Variants in PIGK observed in about 807,000 individuals in gnomAD.
PIGK encodes the protein GPI-anchor transamidase.
In PIGK, 42 loss-of-function variants were observed where a neutral mutation model predicts 50.6. The observed-to-expected ratio is 0.83, with a 90% CI of 0.65 to 1.07. PIGK has a LOEUF of 1.07. PIGK is among the 50% of genes least tolerant of loss of function. The pLI is 0.00. For synonymous variants in PIGK, 151 were observed against 156.0 expected, an observed-to-expected ratio of 0.97 and a Z score of 0.24; for missense variants, 448 against 488.7, an observed-to-expected ratio of 0.92 and a Z score of 0.78.
At chr1:77,172,173 CA>C (rs1655379303) in intron 3 of PIGK, among the ~76,000 whole-genome samples, 1 of 149,154 alleles carries the variant, frequency 6.7e-6, no homozygotes, top group South Asian at 2.1e-4. Flanking sequence ...TCCTGGTGGA[CA>C]AACCACAACC....
chr1:77,207,922 A>G lies in PIGK; in HGVS notation c.148-1191T>C, dbSNP rs377141534. Among the ~76,000 whole-genome samples the G allele has an allele frequency of 2.6e-5, 4 of 152,308 alleles. No homozygotes were observed. In the South Asian group the frequency reaches 6.2e-4, roughly 24 times the overall value. ...TAAAAATGTAAAATTCCATATATCA[A>G]AAATATCATAAAATTCTAGCTGGAC... On this transcript the variant is annotated intron_variant, in intron 2 of 10. Transcript: ENST00000370812.
intron 3 of PIGK, among the ~76,000 whole-genome samples, chr1:77,171,553 CA>C (rs1655363864): frequency 6.7e-6 from 1 of 149,172 alleles, no homozygotes; most frequent in Admixed American, 6.7e-5. Context: ...ATGTCAATAT[CA>C]ATCAGAAAGA....
At chr1:77,099,410 G>A (rs1283855898) in intron 10 of PIGK, among the ~76,000 whole-genome samples, 4 of 152,046 alleles carry the variant, frequency 2.6e-5, no homozygotes, top group Non-Finnish European at 5.9e-5. Context: ...TTATTTTGGG[G>A]AGAAATTGGA....
intron 10 of PIGK, among the ~76,000 whole-genome samples, chr1:77,120,950 C>T (rs1654082566): frequency 6.6e-6 from 1 of 152,152 alleles, no homozygotes; most frequent in Non-Finnish European, 1.5e-5. Flanking sequence ...CAGTCAAATG[C>T]AGCTGTTACA....
At chr1:77,112,982 T>C (rs1034185457) in intron 10 of PIGK, among the ~76,000 whole-genome samples, 58 of 152,120 alleles carry the variant, frequency 3.8e-4, no homozygotes, top group African/African-American at 4.8e-5. Flanking sequence ...TGCTATGTGA[T>C]ACATTTTGGC....
intron 3 of PIGK, among the ~76,000 whole-genome samples, chr1:77,193,305 TC>T (rs1489731404): frequency 6.7e-6 from 1 of 148,948 alleles, no homozygotes; most frequent in African/African-American, 2.6e-5. Context: ...CTTTGTTCTT[TC>T]CGGTGACAAC....
chr1:77,190,574 A>C (rs1198955308), intron 3 of PIGK, among the ~76,000 whole-genome samples: 1 of 152,204 alleles, frequency 6.6e-6, no homozygotes, highest in Non-Finnish European at 1.5e-5. Flanking sequence ...CCATCCAGAG[A>C]CCTGAGTAAA....
At chr1:77,112,008 A>C (rs1653859445) in intron 10 of PIGK, among the ~76,000 whole-genome samples, 1 of 152,104 alleles carries the variant, frequency 6.6e-6, no homozygotes, top group Admixed American at 6.6e-5. Flanking sequence ...ATGTAGATTA[A>C]ATAAAATAGT....
intron 4 of PIGK, 110 bp from the exon 5 acceptor site, chr1:77,166,940 G>A: frequency 3.3e-6 from 2 of 611,328 alleles, no homozygotes; most frequent in Non-Finnish European, 5.8e-6. Flanking sequence ...ATATTACTCA[G>A]CACCAACTGA....
intron 3 of PIGK, among the ~76,000 whole-genome samples, chr1:77,172,347 A>G (rs565818675): frequency 9.1e-4 from 138 of 152,176 alleles, no homozygotes; most frequent in African/African-American, 3.1e-3. Context: ...TAACCAATCC[A>G]GTTGTTTCTG....
At chr1:77,169,510 T>C in intron 3 of PIGK, 115 bp from the exon 4 acceptor site, 1 of 732,684 alleles carries the variant, frequency 1.4e-6, no homozygotes, top group South Asian at 2.0e-5. Context: ...AAAAAAAAAT[T>C]TTCAACTACA....
intron 10 of PIGK, among the ~76,000 whole-genome samples, chr1:77,103,035 T>C (rs1327050162): frequency 6.6e-6 from 1 of 152,172 alleles, no homozygotes; most frequent in Non-Finnish European, 1.5e-5. Context: ...TGCCCTTCAG[T>C]TTGGATCCTT....
chr1:77,123,388 C>T (rs1268060986), intron 9 of PIGK, among the ~76,000 whole-genome samples: 1 of 152,074 alleles, frequency 6.6e-6, no homozygotes, highest in Non-Finnish European at 1.5e-5. Context: ...CTAATGAGAA[C>T]TCTAGAATCT....
At chr1:77,204,533 C>A (rs1656246246) in intron 3 of PIGK, among the ~76,000 whole-genome samples, 1 of 152,154 alleles carries the variant, frequency 6.6e-6, no homozygotes, top group Non-Finnish European at 1.5e-5. Flanking sequence ...TCGTACACCC[C>A]TTCCCTTTTG....
At chr1:77,197,552 G>C (rs1656064147) in intron 3 of PIGK, among the ~76,000 whole-genome samples, 1 of 152,214 alleles carries the variant, frequency 6.6e-6, no homozygotes, top group Admixed American at 6.5e-5. Flanking sequence ...AAGGGAAGTA[G>C]AGAGGCAATG....
intron 3 of PIGK, among the ~76,000 whole-genome samples, chr1:77,183,091 C>T (rs1357389157): frequency 6.6e-6 from 1 of 152,132 alleles, no homozygotes; most frequent in Admixed American, 6.5e-5. Context: ...GACACAAGTT[C>T]TTATCATGCA....
At chr1:77,183,666 A>G (rs1655672399) in intron 3 of PIGK, among the ~76,000 whole-genome samples, 1 of 152,152 alleles carries the variant, frequency 6.6e-6, no homozygotes, top group Non-Finnish European at 1.5e-5. Context: ...GGCTAAATTT[A>G]TTGACTTGGG....
chr1:77,148,955 T>C (rs901147422), intron 9 of PIGK, among the ~76,000 whole-genome samples: 4 of 151,532 alleles, frequency 2.6e-5, no homozygotes, highest in Admixed American at 2.0e-4. Context: ...GACCTAGTGA[T>C]CTGCCCACCT....
chr1:77,185,909 G>T (rs1295151731), intron 3 of PIGK, among the ~76,000 whole-genome samples: 2 of 152,194 alleles, frequency 1.3e-5, no homozygotes, highest in Non-Finnish European at 2.9e-5. Context: ...CTCTTGGCCT[G>T]TTACTGGGCT....
Sources: gnomAD v4.1 joint callset for allele counts (sites outside exome capture counted in the v4.1 genomes callset) on GRCh38, gnomAD v4.1.1 for gene constraint, MANE v1.5 for transcripts, NCBI Gene and HGNC (gene_info 2026-07-23, HGNC 2026-07-21) for gene names.